The following DHX16 variants were observed in gnomAD, a reference collection of about 807,000 sequenced individuals.
The protein encoded by DHX16 is DEAH-box helicase 16.
A neutral mutation model predicts 131.2 loss-of-function variants in DHX16; 81 were observed. That is an observed-to-expected ratio of 0.62 (90% CI 0.52 to 0.74). The LOEUF (loss-of-function observed/expected upper bound fraction) is 0.74, where lower values mean the gene tolerates loss of function less well. DHX16 is among the 30% of genes least tolerant of loss of function. The pLI is 0.00. For synonymous variants in DHX16, 440 were observed against 520.2 expected, an observed-to-expected ratio of 0.85 and a Z score of 2.10; for missense variants, 980 against 1,363.1, an observed-to-expected ratio of 0.72 and a Z score of 4.43.
At chr6:30,661,645 G>T in intron 9 of DHX16, 1 of 676,926 alleles carries the variant, frequency 1.5e-6, no homozygotes, top group South Asian at 1.6e-5. Flanking sequence ...TTATGTGCAT[G>T]ACACCTTCTT....
At chr6:30,666,750 G>A (rs932810132) in intron 4 of DHX16, among the ~76,000 whole-genome samples, 2 of 152,146 alleles carry the variant, frequency 1.3e-5, no homozygotes, top group African/African-American at 4.8e-5. Context: ...GGAGGTTGCA[G>A]TGAGCTTAGC....
At chr6:30,663,661 C>T (rs1768729218) in intron 7 of DHX16, among the ~76,000 whole-genome samples, 1 of 143,240 alleles carries the variant, frequency 7.0e-6, no homozygotes, top group Non-Finnish European at 1.5e-5. Flanking sequence ...ACAGAGGTTG[C>T]AGTAAGCCAA....
Position 30,656,278 on chromosome 6 carries a change from G to A in DHX16, c.2431-13C>T. 6.2e-7 allele frequency: 1 copy of A among 1,613,964 alleles called. No individual in the cohort carries two copies. Among genetic ancestry groups the A allele is most frequent in the Non-Finnish European group, 8.5e-7 (1 of 1,179,982 alleles). ...TCTTTCGACCAGACTAAGGAGAAGA[G>A]AGAGAGAGTTGAGCCCAGTCCTCCC... On this transcript the variant is annotated splice_polypyrimidine_tract_variant and intron_variant, in intron 15 of 19. Coordinates refer to ENST00000376442, the MANE Select transcript of DHX16 (RefSeq NM_003587.5). The surrounding 1 kb of genome is among the most constrained non-coding windows in gnomAD (Gnocchi z 5.1).
rs1313264047 is a variant in DHX16 at position 30,665,320 on chromosome 6, C to A, written c.922-46G>T. On this transcript the variant is annotated intron_variant, in intron 5 of 19. Transcript: ENST00000376442. The surrounding 1 kb of genome is among the most constrained non-coding windows in gnomAD (Gnocchi z 4.8). Reference sequence around the variant, plus strand: ...TGAAGACTCAAAAACAGGATGTCCTCTCTGCCCTCTCCCCTCTTCCCATTA... The same window carrying A: ...TGAAGACTCAAAAACAGGATGTCCTATCTGCCCTCTCCCCTCTTCCCATTA... 1 of 1,594,868 alleles carries A rather than the reference C, an allele frequency of 6.3e-7. No individual in the cohort carries two copies. Among genetic ancestry groups the A allele is most frequent in the African/African-American group, 1.3e-5 (1 of 74,760 alleles).
At position 30,672,584 on chromosome 6, in the gene DHX16, G is replaced by GCC. The variant is rs769162651; in HGVS notation, c.207+49_207+50dup. The GCC allele has an allele frequency of 4.6e-6, 7 of 1,514,482 alleles. No homozygotes were observed. In the South Asian group the frequency reaches 8.0e-5, roughly 17 times the overall value. The allele number at this position is 1,514,482 out of a possible 1,614,324, so 93.8% of individuals were successfully genotyped here. A position where few individuals can be genotyped will look rare whatever the true frequency, so the allele number is the denominator to read the frequency against. ...TCTTAACTTCTCGATGGACCGTTAG[G>GCC]CCAGCCTCACCGGGACAAATCACAG... is the stretch of plus-strand genomic sequence containing the variant. On this transcript the variant is annotated intron_variant, in intron 1 of 19. Transcript: ENST00000376442.
Position 30,670,841 on chromosome 6 carries a change from T to C in DHX16, c.558A>G (p.Arg186=), listed in dbSNP as rs1215080352. ...TTCGAGTCCGATCCTTGTCCCGCTG[T>C]CGAACCCGCTCAGCAAAGGCATCAC... The part of the protein sequence containing the change: ...EERDAFAERV[R]QRDKDRTRNV... The change falls in exon 3 of 20, where the codon CGA becomes CGG. Residue 186 remains arginine, a synonymous_variant. Transcript: ENST00000376442. This position sits in a 1 kb window ranked among gnomAD's most constrained non-coding sequence, Gnocchi z 4.4. 3.7e-6 allele frequency: 6 copies of C among 1,612,956 alleles called. No individual in the cohort carries two copies. Among genetic ancestry groups the C allele is most frequent in the Non-Finnish European group, 4.2e-6 (5 of 1,180,046 alleles).
chr6:30,668,833 T>G (rs1376892792), intron 4 of DHX16, among the ~76,000 whole-genome samples: 1 of 152,102 alleles, frequency 6.6e-6, no homozygotes, highest in Non-Finnish European at 1.5e-5. Flanking sequence ...GCCGGGCACG[T>G]GGTGACTCAC....
intron 17 of DHX16, 23 bp downstream of exon 17, chr6:30,655,412 C>T (rs1469682705): frequency 6.2e-7 from 1 of 1,614,008 alleles, no homozygotes; most frequent in Non-Finnish European, 8.5e-7. Context: ...GTCTCTCATT[C>T]CCACTCACCC....
At position 30,664,783 on chromosome 6, in the gene DHX16, A is replaced by C. The variant is rs1284656354; in HGVS notation, c.1317+18T>G. The C allele has an allele frequency of 6.3e-7, 1 of 1,598,382 alleles. No individual in the cohort carries two copies. The highest frequency in any genetic ancestry group is 1.3e-5 in the African/African-American group (1 of 74,736). ...GATGCCAGGTGCCCTGGCAAGCTGAAGGGTGAGATGACTGTACCTCCTCAA... is the reference window on the plus strand; with the variant it reads ...GATGCCAGGTGCCCTGGCAAGCTGACGGGTGAGATGACTGTACCTCCTCAA... On this transcript the variant is annotated intron_variant, in intron 7 of 19. Coordinates refer to ENST00000376442, the MANE Select transcript of DHX16 (RefSeq NM_003587.5).
chr6:30,665,058 G>C lies in DHX16; in HGVS notation c.1125+13C>G, dbSNP rs746926990. ...CGGGTCTTCCTCAGAAAGTCTCCCA[G>C]CTCCCCTCTTACCTCATCACCCTGG... is the stretch of plus-strand genomic sequence containing the variant. On this transcript the variant is annotated intron_variant, in intron 6 of 19. Coordinates refer to ENST00000376442, the MANE Select transcript of DHX16 (RefSeq NM_003587.5). This position sits in a 1 kb window ranked among gnomAD's most constrained non-coding sequence, Gnocchi z 4.8. The C allele has an allele frequency of 3.1e-6, 5 of 1,613,856 alleles. No homozygotes were observed. Among genetic ancestry groups the C allele is most frequent in the Non-Finnish European group, 4.2e-6 (5 of 1,179,952 alleles).
Position 30,665,767 on chromosome 6 carries a change from T to C in DHX16, c.667-34A>G. 6.3e-7 allele frequency: 1 copy of C among 1,591,204 alleles called. No individual in the cohort carries two copies. Among genetic ancestry groups the C allele is most frequent in the Non-Finnish European group, 8.5e-7 (1 of 1,172,688 alleles). On this transcript the variant is annotated intron_variant, in intron 4 of 19. Transcript: ENST00000376442. This position sits in a 1 kb window ranked among gnomAD's most constrained non-coding sequence, Gnocchi z 4.8. ...GGAAAGGACAGTCGAATCCTCATCTTGCTGGAGGAGCAACCCCTTTCTCTA... is the reference window on the plus strand; with the variant it reads ...GGAAAGGACAGTCGAATCCTCATCTCGCTGGAGGAGCAACCCCTTTCTCTA...
At chr6:30,653,433 ATTT>A in intron 19 of DHX16, 63 bp from the exon 20 acceptor site, 1 of 1,506,836 alleles carries the variant, frequency 6.6e-7, no homozygotes, top group Non-Finnish European at 8.9e-7. Context: ...TGTTGTTGTT[ATTT>A]TTTTTTCTTA....
Position 30,671,096 on chromosome 6 carries a change from C to A in DHX16, c.386G>T (p.Arg129Met). ...CTCCTCTTCTTCCTCACGCTTCTTC[C>A]TGAGGTGTTTCCGCTTTTTACGTTT... Reference protein sequence around the residue: ...QKKRKKRKHLRKKREEEEEEE... With the variant: ...QKKRKKRKHLMKKREEEEEEE... The change falls in exon 2 of 20, where the codon AGG (arginine) becomes ATG (methionine). Residue 129 changes from arginine (R) to methionine (M), a missense_variant. Physicochemically the swap from Arg to Met is moderately conservative, Grantham distance 91 (BLOSUM62 -1). Coordinates refer to ENST00000376442, the MANE Select transcript of DHX16 (RefSeq NM_003587.5). The A allele has an allele frequency of 1.9e-6, 3 of 1,613,102 alleles. No homozygotes were observed. Among genetic ancestry groups the A allele is most frequent in the Non-Finnish European group, 2.5e-6 (3 of 1,180,030 alleles).
At position 30,664,939 on chromosome 6, in the gene DHX16, C is replaced by T; in HGVS notation, c.1179G>A (p.Gln393=). The change falls in exon 7 of 20, where the codon CAG becomes CAA. Residue 393 remains glutamine, a synonymous_variant. Transcript: ENST00000376442. ...ACACCGGGAGGCTGCGGCGGACGGC[C>T]TGGATGGACTCTTTCTGCTGGGCCT... The part of the protein sequence containing the change: ...STQAQQKESI[Q]AVRRSLPVFP... 1 of 1,613,842 alleles carries T rather than the reference C, an allele frequency of 6.2e-7. No homozygotes were observed.
Position 30,656,154 on chromosome 6 carries a change from G to T in DHX16, c.2498+44C>A. ...GGGACCCTGGAGACAGAGGAGGCCTGGCCTGTTTGTGTGCTGGGGGCCCAG... is the reference window on the plus strand; with the variant it reads ...GGGACCCTGGAGACAGAGGAGGCCTTGCCTGTTTGTGTGCTGGGGGCCCAG... On this transcript the variant is annotated intron_variant, in intron 16 of 19. Coordinates refer to ENST00000376442, the MANE Select transcript of DHX16 (RefSeq NM_003587.5). The surrounding 1 kb of genome is among the most constrained non-coding windows in gnomAD (Gnocchi z 5.1). 1 of 1,587,898 alleles carries T rather than the reference G, an allele frequency of 6.3e-7. No individual in the cohort carries two copies.
Position 30,655,181 on chromosome 6 carries a change from T to C in DHX16, c.2817A>G (p.Val939=). ...LSSCQGDYIR[V]RKAITAGYFY... ...AGGCTGAAGAAATGCTGACCTTGCG[T>C]ACACGGATATAGTCCCCCTGGCAGG... The change falls in exon 18 of 20, where the codon GTA becomes GTG. Residue 939 remains valine, a synonymous_variant. Coordinates refer to ENST00000376442, the MANE Select transcript of DHX16 (RefSeq NM_003587.5). 1 of 1,614,138 alleles carries C rather than the reference T, an allele frequency of 6.2e-7. No homozygotes were observed. The highest frequency in any genetic ancestry group is 8.5e-7 in the Non-Finnish European group (1 of 1,180,028).
At chr6:30,659,694 C>T (rs1768312212) in intron 11 of DHX16, 42 bp downstream of exon 11, 3 of 1,612,766 alleles carry the variant, frequency 1.9e-6, no homozygotes, top group Non-Finnish European at 2.5e-6. Flanking sequence ...GCCCTGTCTT[C>T]CCCTGGGATA....
Position 30,672,622 on chromosome 6 carries a change from C to A in DHX16, c.207+13G>T. 3 of 1,604,026 alleles carry A rather than the reference C, an allele frequency of 1.9e-6. No homozygotes were observed. Among genetic ancestry groups the A allele is most frequent in the Non-Finnish European group, 2.6e-6 (3 of 1,172,574 alleles). On this transcript the variant is annotated intron_variant, in intron 1 of 19. Transcript: ENST00000376442. Reference sequence around the variant, plus strand: ...GGACAAATCACAGGGCCCCTCCCCACCCCTGCCGACACCTTGTTCCAGAGT... The same window carrying A: ...GGACAAATCACAGGGCCCCTCCCCAACCCTGCCGACACCTTGTTCCAGAGT...
chr6:30,669,803 T>C (rs1769369337), intron 4 of DHX16, among the ~76,000 whole-genome samples: 1 of 148,124 alleles, frequency 6.8e-6, no homozygotes, highest in African/African-American at 2.5e-5. Flanking sequence ...ATTGGGGTAT[T>C]GGGGAATCTA....
Sources: gnomAD v4.1 joint callset for allele counts (sites outside exome capture counted in the v4.1 genomes callset) on GRCh38, gnomAD v4.1.1 for gene constraint, Gnocchi (gnomAD v3.1) non-coding constraint, MANE v1.5 for transcripts, NCBI Gene and HGNC (gene_info 2026-07-23, HGNC 2026-07-21) for gene names.